Variants in PRELID2 observed in about 807,000 individuals in gnomAD.
PRELID2 encodes PRELI domain containing 2.
PRELID2 carries 25 observed loss-of-function variants against 28.4 expected under a neutral mutation model. The observed-to-expected ratio is 0.88, with a 90% CI of 0.64 to 1.23. The LOEUF (loss-of-function observed/expected upper bound fraction) is 1.23, where lower values mean the gene tolerates loss of function less well. Ranked by LOEUF, PRELID2 falls within the 50% of genes most tolerant of loss-of-function variation. The pLI is 0.00. For synonymous variants in PRELID2, 76 were observed against 71.6 expected (o/e 1.06, Z -0.31); for missense variants, 201 against 214.4 (o/e 0.94, Z 0.39).
chr5:145,646,054 A>G (rs1180763353), intron 1 of PRELID2, among the ~76,000 whole-genome samples: 1 of 152,038 alleles, frequency 6.6e-6, no homozygotes, highest in African/African-American at 2.4e-5. Flanking sequence ...TCTTCTCTGT[A>G]TTTCCTGAAT....
At chr5:145,401,678 C>T in the PRELID2 span, among the ~76,000 whole-genome samples, 2 of 152,190 alleles carry the variant, frequency 1.3e-5, no homozygotes. Context: ...AGATGAGACA[C>T]TTTGGTCAAA....
chr5:145,336,130 T>C, the PRELID2 span, among the ~76,000 whole-genome samples: 1 of 152,230 alleles, frequency 6.6e-6, no homozygotes, highest in Non-Finnish European at 1.5e-5. Flanking sequence ...GTTTGTTTTT[T>C]TCTTGTAAAT....
chr5:145,322,388 T>G, the PRELID2 span, among the ~76,000 whole-genome samples: 2 of 152,218 alleles, frequency 1.3e-5, no homozygotes, highest in Non-Finnish European at 2.9e-5. Flanking sequence ...AACTTCTTTT[T>G]GATCTGATGC....
chr5:145,796,507 C>T lies in PRELID2; in HGVS notation c.409G>A (p.Val137Ile), dbSNP rs769878850. The T allele has an allele frequency of 1.7e-5, 28 of 1,609,516 alleles. No individual in the cohort carries two copies. Among genetic ancestry groups the T allele is most frequent in the Non-Finnish European group, 2.3e-5 (27 of 1,177,490 alleles). ...TCTAAAACACAGTTGAGAAATCCAA[C>T]CCCTGTGATTGAAATCCTGCCTCTT... ...IQRGRISITG[V>I]GFLNCVLETF... The change falls in exon 5 of 7, where the codon GTT (valine) becomes ATT (isoleucine). Residue 137 changes from valine to isoleucine, a missense_variant. Transcript: ENST00000683046.
intron 1 of PRELID2, among the ~76,000 whole-genome samples, chr5:145,675,372 A>T (rs1469723895): frequency 6.6e-6 from 1 of 152,198 alleles, no homozygotes. Context: ...AAAATCTAAA[A>T]GTTCAATAAT....
At chr5:145,584,908 C>A (rs1199457501) in intron 1 of PRELID2, among the ~76,000 whole-genome samples, 1 of 152,084 alleles carries the variant, frequency 6.6e-6, no homozygotes, top group African/African-American at 2.4e-5. Context: ...ACAGAAATAT[C>A]ATTTGACTAA....
At chr5:145,517,951 T>C (rs1752530539) in intron 1 of PRELID2, among the ~76,000 whole-genome samples, 1 of 151,928 alleles carries the variant, frequency 6.6e-6, no homozygotes, top group Admixed American at 6.6e-5. Flanking sequence ...TGAGAACACA[T>C]GGACACAGGG....
At chr5:145,526,775 G>A (rs1752608469) in intron 1 of PRELID2, among the ~76,000 whole-genome samples, 1 of 152,180 alleles carries the variant, frequency 6.6e-6, no homozygotes, top group Non-Finnish European at 1.5e-5. Flanking sequence ...TATGTAGAGT[G>A]TAATGAGTAC....
At chr5:145,463,407 T>C in the PRELID2 span, among the ~76,000 whole-genome samples, 122 of 150,042 alleles carry the variant, frequency 8.1e-4, 1 homozygote, top group African/African-American at 3.0e-3. Flanking sequence ...CCTTTTACAA[T>C]AGTTTACCAT....
chr5:145,755,374 G>A (rs1223637591), downstream of PRELID2, among the ~76,000 whole-genome samples: 3 of 152,146 alleles, frequency 2.0e-5, no homozygotes, highest in Non-Finnish European at 2.9e-5. Context: ...TAATGCTCCT[G>A]CTCATTCCTC....
At chr5:145,550,870 G>C (rs1456323366) in intron 1 of PRELID2, among the ~76,000 whole-genome samples, 1 of 152,044 alleles carries the variant, frequency 6.6e-6, no homozygotes, top group Non-Finnish European at 1.5e-5. Context: ...CATAATTCTA[G>C]ATAATCTGCT....
chr5:145,355,331 T>C, the PRELID2 span, among the ~76,000 whole-genome samples: 1 of 152,170 alleles, frequency 6.6e-6, no homozygotes, highest in Admixed American at 6.6e-5. Flanking sequence ...ATTTAGTTAA[T>C]GTAAATATTA....
intron 1 of PRELID2, among the ~76,000 whole-genome samples, chr5:145,735,886 C>G (rs1306972543): frequency 6.6e-6 from 1 of 152,144 alleles, no homozygotes; most frequent in Non-Finnish European, 1.5e-5. Flanking sequence ...TCAGCATGAC[C>G]GACCACATTG....
At chr5:145,252,953 C>T in the PRELID2 span, among the ~76,000 whole-genome samples, 21 of 151,954 alleles carry the variant, frequency 1.4e-4, no homozygotes, top group Admixed American at 1.2e-3. Flanking sequence ...TTTTAAAAAA[C>T]ATTTTTTGAG....
At chr5:145,651,133 C>T (rs1045653636) in intron 1 of PRELID2, among the ~76,000 whole-genome samples, 1 of 152,178 alleles carries the variant, frequency 6.6e-6, no homozygotes, top group African/African-American at 2.4e-5. Context: ...CTCAGAGGGT[C>T]CCACGCCCAC....
At chr5:145,633,716 C>T (rs553701110) in intron 1 of PRELID2, among the ~76,000 whole-genome samples, 4 of 152,176 alleles carry the variant, frequency 2.6e-5, no homozygotes, top group Non-Finnish European at 5.9e-5. Context: ...ATCAGCCGCC[C>T]TACTTGTGTT....
intron 1 of PRELID2, among the ~76,000 whole-genome samples, chr5:145,579,897 C>A (rs992866049): frequency 6.6e-6 from 1 of 152,022 alleles, no homozygotes; most frequent in Non-Finnish European, 1.5e-5. Context: ...TTGCCAGGTT[C>A]ATCTTTAATC....
intron 1 of PRELID2, among the ~76,000 whole-genome samples, chr5:145,694,601 G>A (rs1400939196): frequency 2.0e-5 from 3 of 152,118 alleles, no homozygotes; most frequent in Non-Finnish European, 4.4e-5. Context: ...AGTAAGGTAT[G>A]ACTGTAGTTT....
downstream of PRELID2, among the ~76,000 whole-genome samples, chr5:145,468,557 C>T (rs1752023950): frequency 6.6e-6 from 1 of 152,174 alleles, no homozygotes; most frequent in Non-Finnish European, 1.5e-5. Context: ...TTTCCTATTT[C>T]TCCACATCCT....
Sources: allele counts gnomAD v4.1 joint callset (sites outside exome capture counted in the v4.1 genomes callset), GRCh38; gene constraint gnomAD v4.1.1; transcripts MANE v1.5; gene names NCBI Gene and HGNC (gene_info 2026-07-23, HGNC 2026-07-21).